Variants in VLDLR observed in about 807,000 individuals in gnomAD.
The protein encoded by VLDLR is very low density lipoprotein receptor, also known as very low-density lipoprotein receptor.
Under a neutral mutation model 112.7 loss-of-function variants are expected in VLDLR, and 81 were observed. The observed-to-expected ratio is 0.72, with a 90% CI of 0.60 to 0.86. VLDLR has a LOEUF of 0.86. Among genes scored for constraint, VLDLR ranks in the 40% least tolerant of loss-of-function variants. The pLI, the probability that VLDLR is intolerant of heterozygous loss-of-function variation, is 0.00. For synonymous variants in VLDLR, 436 were observed against 384.8 expected (o/e 1.13, Z -1.56); for missense variants, 1,237 against 1,099.4 (o/e 1.13, Z -1.77).
In VLDLR at chr9:2,636,721, T is replaced by G. The variant is rs564067091; in HGVS notation, c.202+1149T>G. Among the ~76,000 whole-genome samples the G allele has an allele frequency of 2.0e-5, 3 of 152,262 alleles. No individual in the cohort carries two copies. The South Asian group carries it at 6.2e-4, about 32-fold the overall frequency. On this transcript the variant is annotated intron_variant, in intron 2 of 18. Transcript: ENST00000382100. ...TTTTAACACTAAGATTTTAATCTAT[T>G]CCACAAGACACTGAGTCTCATGCTA... is the stretch of plus-strand genomic sequence containing the variant.
In VLDLR at chr9:2,654,624, A is replaced by G. The variant is rs1818517215; in HGVS notation, c.*756A>G. 6.6e-6 allele frequency: 1 copy of G among 152,282 alleles called. No homozygotes were observed. The highest frequency in any genetic ancestry group is 2.4e-5 in the African/African-American group (1 of 41,468). The allele number at this position is 152,282 out of a possible 1,614,324, so 9.4% of individuals were successfully genotyped here. A position where few individuals can be genotyped will look rare whatever the true frequency, so the allele number is the denominator to read the frequency against. The stretch of plus-strand genomic sequence containing the variant: ...GTTTCTCTTACACCCTAGCACAGTT[A>G]AAAAATGAAGTACTGTTTAACATTT... On this transcript the variant is annotated 3_prime_UTR_variant, in exon 19 of 19. Coordinates refer to ENST00000382100, the MANE Select transcript of VLDLR (RefSeq NM_003383.5).
chr9:2,629,101 A>G (rs939299513), intron 1 of VLDLR, among the ~76,000 whole-genome samples: 5 of 152,274 alleles, frequency 3.3e-5, no homozygotes, highest in East Asian at 3.8e-4. Context: ...CTCATTAGAA[A>G]TGCAAACTTA....
At chr9:2,646,112 G>C (rs1438887847) in intron 10 of VLDLR, among the ~76,000 whole-genome samples, 2 of 151,762 alleles carry the variant, frequency 1.3e-5, no homozygotes, top group African/African-American at 4.8e-5. Context: ...TTAGAAATTT[G>C]TTGTTCTTGT....
In VLDLR at chr9:2,622,164, G is replaced by A. The variant is rs1278766598; in HGVS notation, c.-26G>A. On this transcript the variant is annotated 5_prime_UTR_variant, in exon 1 of 19. Coordinates refer to ENST00000382100, the MANE Select transcript of VLDLR (RefSeq NM_003383.5). The stretch of plus-strand genomic sequence containing the variant: ...GGAGCGAACGGCGGCGGCGGCGGCG[G>A]CGGCGGCACCATCCAGGCGGGCACC... 2.2e-6 allele frequency: 3 copies of A among 1,334,248 alleles called. No homozygotes were observed. Among genetic ancestry groups the A allele is most frequent in the East Asian group, 3.1e-5 (1 of 32,198 alleles). The allele number at this position is 1,334,248 out of a possible 1,614,324, so 82.7% of individuals were successfully genotyped here.
intron 2 of VLDLR, among the ~76,000 whole-genome samples, chr9:2,636,502 C>T (rs911074441): frequency 5.9e-5 from 9 of 152,096 alleles, no homozygotes; most frequent in Admixed American, 5.9e-4. Context: ...ATAAAGTATG[C>T]ATCATGGCAG....
rs1367986258 is a variant in VLDLR, at chr9:2,655,575, A to G, written c.*1707A>G. The G allele has an allele frequency of 2.0e-5, 3 of 152,206 alleles. No homozygotes were observed. Among genetic ancestry groups the G allele is most frequent in the African/African-American group, 7.2e-5 (3 of 41,452 alleles). 9.4% of individuals were successfully genotyped at this position (152,206 alleles called of 1,614,324 possible). On this transcript the variant is annotated 3_prime_UTR_variant, in exon 19 of 19. Coordinates refer to ENST00000382100, the MANE Select transcript of VLDLR (RefSeq NM_003383.5). ...GCATATGAAATATAAGGCAGTTAAC[A>G]TCTTGTTTGTGGCTTAAGCAAGGAC...
chr9:2,627,071 C>G (rs145439073), intron 1 of VLDLR, among the ~76,000 whole-genome samples: 2 of 140,542 alleles, frequency 1.4e-5, no homozygotes, highest in South Asian at 2.2e-4. Context: ...AGCACTGGTT[C>G]CTTCCTTTGT....
In VLDLR at chr9:2,643,946, C is replaced by T. The variant is rs772012729; in HGVS notation, c.1053C>T (p.Pro351=). 2.5e-6 allele frequency: 4 copies of T among 1,613,900 alleles called. No homozygotes were observed. The South Asian group carries it at 3.3e-5, about 13-fold the overall frequency. The change falls in exon 7 of 19, where the codon CCC becomes CCT. Residue 351 remains proline, a synonymous_variant. Coordinates refer to ENST00000382100, the MANE Select transcript of VLDLR (RefSeq NM_003383.5). ...EQDCRDWSDE[P]LKECHINECL... is the part of the protein sequence containing the mutation. The stretch of plus-strand genomic sequence containing the variant: ...ACTGCAGGGACTGGAGTGATGAGCC[C>T]CTGAAAGAGTGTCGTAAGTGTACTT...
At chr9:2,627,150 G>A (rs539316200) in intron 1 of VLDLR, among the ~76,000 whole-genome samples, 1 of 152,316 alleles carries the variant, frequency 6.6e-6, no homozygotes, top group East Asian at 1.9e-4. Context: ...AAGCTCTGAA[G>A]AGGAGTGAGC....
intron 3 of VLDLR, 150 bp downstream of exon 3, chr9:2,640,131 C>T: frequency 7.9e-7 from 1 of 1,265,372 alleles, no homozygotes; most frequent in Non-Finnish European, 1.1e-6. Flanking sequence ...CAAATCATTA[C>T]CAGTTTATCA....
intron 1 of VLDLR, among the ~76,000 whole-genome samples, chr9:2,631,429 G>C (rs976317101): frequency 2.6e-5 from 4 of 152,138 alleles, no homozygotes; most frequent in Non-Finnish European, 5.9e-5. Context: ...CATCAATAAT[G>C]AAAGGGTAAA....
At chr9:2,647,312 A>T (rs527372785) in intron 11 of VLDLR, among the ~76,000 whole-genome samples, 162 bp from the exon 12 acceptor site, 1 of 152,288 alleles carries the variant, frequency 6.6e-6, no homozygotes, top group East Asian at 1.9e-4. Flanking sequence ...CTTAATATTC[A>T]ATTTTATTTA....
chr9:2,651,968 C>A lies in VLDLR; in HGVS notation c.2416+14C>A, dbSNP rs771872133. On this transcript the variant is annotated intron_variant, in intron 17 of 18. Coordinates refer to ENST00000382100, the MANE Select transcript of VLDLR (RefSeq NM_003383.5). ...TTCTTCCTCTCTGTAAGTAGATTTC[C>A]TACAAGTCTGGGTTCAAGAACTTCT... The A allele has an allele frequency of 1.9e-6, 3 of 1,613,638 alleles. No homozygotes were observed. In the South Asian group the frequency reaches 3.3e-5, roughly 18 times the overall value.
intron 10 of VLDLR, 60 bp downstream of exon 10, chr9:2,645,805 C>T (rs1345973248): frequency 1.2e-6 from 2 of 1,601,094 alleles, no homozygotes; most frequent in African/African-American, 1.3e-5. Flanking sequence ...GGGAAGTGAT[C>T]TGTGGGATAG....
chr9:2,630,811 A>G (rs1301854651), intron 1 of VLDLR, among the ~76,000 whole-genome samples: 1 of 152,186 alleles, frequency 6.6e-6, no homozygotes, highest in African/African-American at 2.4e-5. Flanking sequence ...AGGCCACAAA[A>G]ACAAAATAGA....
chr9:2,652,081 G>A (rs901369391), intron 17 of VLDLR, 127 bp downstream of exon 17: 13 of 853,728 alleles, frequency 1.5e-5, no homozygotes, highest in African/African-American at 5.1e-5. Context: ...ACTGAATTAC[G>A]TTCGCTTTCT....
intron 2 of VLDLR, among the ~76,000 whole-genome samples, chr9:2,637,283 A>G (rs998840700): frequency 2.0e-5 from 3 of 152,204 alleles, no homozygotes; most frequent in Non-Finnish European, 4.4e-5. Flanking sequence ...CTTGGTTACA[A>G]TATTTAGCTT....
intron 1 of VLDLR, among the ~76,000 whole-genome samples, chr9:2,626,339 A>G (rs34562568): frequency 0.22 from 33,266 of 152,182 alleles, 4,809 homozygotes; most frequent in Non-Finnish European, 0.33. Flanking sequence ...TTTGACTGCA[A>G]CTTGTCACGT....
At chr9:2,624,301 A>C (rs964127448) in intron 1 of VLDLR, among the ~76,000 whole-genome samples, 1 of 152,218 alleles carries the variant, frequency 6.6e-6, no homozygotes, top group African/African-American at 2.4e-5. Context: ...AACCAATCCC[A>C]ACCGGCATCT....
Sources: gnomAD v4.1 joint callset for allele counts (sites outside exome capture counted in the v4.1 genomes callset) on GRCh38, gnomAD v4.1.1 for gene constraint, MANE v1.5 for transcripts, NCBI Gene and HGNC (gene_info 2026-07-23, HGNC 2026-07-21) for gene names.